The following OPCML variants were observed in gnomAD, a reference collection of about 807,000 sequenced individuals.
OPCML encodes the protein opioid-binding protein/cell adhesion molecule.
A neutral mutation model predicts 37.8 loss-of-function variants in OPCML; 13 were observed. The observed-to-expected ratio is 0.34, with a 90% confidence interval of 0.22 to 0.55. OPCML has a LOEUF of 0.55. OPCML is among the 20% of genes least tolerant of loss of function. The probability of loss-of-function intolerance (pLI) is 0.91; values close to 1 mark genes in which losing one functional copy is unlikely to be tolerated. For synonymous variants in OPCML, 176 were observed against 168.8 expected (o/e 1.04, Z -0.33); for missense variants, 341 against 435.6 (o/e 0.78, Z 1.93).
chr11:132,424,358 A>G (rs1318546381), intron 7 of OPCML, among the ~76,000 whole-genome samples: 1 of 152,266 alleles, frequency 6.6e-6, no homozygotes, highest in Admixed American at 6.5e-5. Flanking sequence ...TGACCTCGTG[A>G]TCTGCCCACC....
intron 4 of OPCML, among the ~76,000 whole-genome samples, chr11:132,492,888 G>A (rs1231818404): frequency 6.6e-6 from 1 of 152,190 alleles, no homozygotes; most frequent in Non-Finnish European, 1.5e-5. Context: ...TCAGTAGACA[G>A]CATCTAGCAC....
rs1939351254 is a variant in OPCML at position 133,211,355 on chromosome 11, A to G, written c.62-268345T>C. On this transcript the variant is annotated intron_variant, in intron 1 of 7. Transcript: ENST00000524381. The surrounding 1 kb of genome is among the most constrained non-coding windows in gnomAD (Gnocchi z 4.1). ...GTCTATTGATTACCTCAGTTATTGAACCCTGGGAAGTTCTGAATCCTCTCC... is the reference window on the plus strand; with the variant it reads ...GTCTATTGATTACCTCAGTTATTGAGCCCTGGGAAGTTCTGAATCCTCTCC... Among the ~76,000 whole-genome samples, 2 of 152,134 alleles carry G rather than the reference A, an allele frequency of 1.3e-5. No homozygotes were observed. The highest frequency in any genetic ancestry group is 6.5e-5 in the Admixed American group (1 of 15,272).
At chr11:132,687,977 T>C (rs1025933980) in intron 2 of OPCML, among the ~76,000 whole-genome samples, 9 of 152,184 alleles carry the variant, frequency 5.9e-5, no homozygotes, top group Non-Finnish European at 8.8e-5. Context: ...AATCTAGGGA[T>C]AACTTGCTTT....
rs2096003021 is a variant in OPCML, at chr11:132,433,193, A to G, written c.916+2893T>C. Among the ~76,000 whole-genome samples, 3 of 152,204 alleles carry G rather than the reference A, an allele frequency of 2.0e-5. No individual in the cohort carries two copies. In the South Asian group the frequency reaches 6.2e-4, roughly 32 times the overall value. On this transcript the variant is annotated intron_variant, in intron 7 of 7. Coordinates refer to ENST00000524381, the MANE Select transcript of OPCML (RefSeq NM_001012393.5). ...TGACTCTGGCAGGCATATGGGGGGA[A>G]GAGGCGATAGCATGGGCCATGTCAC... is the stretch of plus-strand genomic sequence containing the variant.
chr11:133,041,698 A>G (rs1054944793), intron 1 of OPCML, among the ~76,000 whole-genome samples: 1 of 152,236 alleles, frequency 6.6e-6, no homozygotes, highest in African/African-American at 2.4e-5. Flanking sequence ...TATCAGCACG[A>G]TGGGACTGCA....
intron 1 of OPCML, among the ~76,000 whole-genome samples, chr11:133,464,795 T>G (rs999914672): frequency 6.6e-6 from 1 of 152,172 alleles, no homozygotes; most frequent in Non-Finnish European, 1.5e-5. Flanking sequence ...CTAAGATGGT[T>G]GTACAAGAGC....
chr11:133,391,056 C>T (rs1945163984), intron 1 of OPCML, among the ~76,000 whole-genome samples: 1 of 152,166 alleles, frequency 6.6e-6, no homozygotes, highest in Non-Finnish European at 1.5e-5. Context: ...GAAGATTTAC[C>T]CACCTGCACG....
At chr11:133,268,114 G>A (rs1158993567) in intron 1 of OPCML, among the ~76,000 whole-genome samples, 2 of 152,132 alleles carry the variant, frequency 1.3e-5, no homozygotes, top group African/African-American at 4.8e-5. Context: ...CCTAGCCCCA[G>A]TCAAGAATTT....
chr11:132,724,521 C>G (rs576871522), intron 2 of OPCML, among the ~76,000 whole-genome samples: 1 of 152,128 alleles, frequency 6.6e-6, no homozygotes, highest in Non-Finnish European at 1.5e-5. Context: ...GGTGGGGACA[C>G]AGCCAAACCA....
At chr11:132,797,787 T>C (rs1285245943) in intron 2 of OPCML, among the ~76,000 whole-genome samples, 1 of 152,226 alleles carries the variant, frequency 6.6e-6, no homozygotes, top group Admixed American at 6.5e-5. Flanking sequence ...CTAACAATCA[T>C]CCAAGCTTTC....
intron 1 of OPCML, among the ~76,000 whole-genome samples, chr11:132,966,687 C>T (rs1404938171): frequency 1.3e-5 from 2 of 151,792 alleles, no homozygotes; most frequent in Admixed American, 6.6e-5. Flanking sequence ...GGTTATTTCC[C>T]TCTTCTTTTA....
At chr11:133,281,010 A>AGTTT (rs1942136088) in intron 1 of OPCML, among the ~76,000 whole-genome samples, 1 of 152,118 alleles carries the variant, frequency 6.6e-6, no homozygotes, top group South Asian at 2.1e-4. Flanking sequence ...GTAGCTCAAG[A>AGTTT]GTTTCAACAG....
Position 132,564,778 on chromosome 11 carries a change from A to G in OPCML, c.380-35592T>C, listed in dbSNP as rs542553064. On this transcript the variant is annotated intron_variant, in intron 3 of 7. Transcript: ENST00000524381. Reference sequence around the variant, plus strand: ...GGATGTGTTTTATATGCTGTGTTAAACATGCTAGGAAAGCTCAGTAGATTT... The same window carrying G: ...GGATGTGTTTTATATGCTGTGTTAAGCATGCTAGGAAAGCTCAGTAGATTT... Among the ~76,000 whole-genome samples the G allele has an allele frequency of 1.4e-4, 22 of 152,346 alleles. No individual in the cohort carries two copies. The South Asian group carries it at 4.1e-3, about 29-fold the overall frequency.
intron 1 of OPCML, among the ~76,000 whole-genome samples, chr11:133,122,464 G>T (rs1462323124): frequency 2.0e-5 from 3 of 152,152 alleles, no homozygotes; most frequent in African/African-American, 4.8e-5. Flanking sequence ...GAGCATGGAA[G>T]TTGTCAGGCA....
intron 1 of OPCML, among the ~76,000 whole-genome samples, chr11:133,224,994 G>C (rs998807981): frequency 6.6e-6 from 1 of 152,170 alleles, no homozygotes; most frequent in African/African-American, 2.4e-5. Context: ...AACGCTTGCA[G>C]TCATCTCTTT....
intron 2 of OPCML, among the ~76,000 whole-genome samples, chr11:132,742,972 C>T (rs1385614240): frequency 6.6e-6 from 1 of 152,060 alleles, no homozygotes; most frequent in African/African-American, 2.4e-5. Flanking sequence ...TCCTACTAAA[C>T]ATTTTCTCTA....
intron 2 of OPCML, among the ~76,000 whole-genome samples, chr11:132,845,597 T>A (rs946844037): frequency 1.3e-5 from 2 of 152,186 alleles, no homozygotes; most frequent in Admixed American, 1.3e-4. Flanking sequence ...TTCAGGTGGA[T>A]AATATTCGAG....
intron 1 of OPCML, among the ~76,000 whole-genome samples, chr11:133,443,707 T>G (rs535267667): frequency 6.6e-6 from 1 of 152,322 alleles, no homozygotes; most frequent in South Asian, 2.1e-4. Context: ...GCAGCACTTC[T>G]TTTGTCAGAA....
chr11:133,479,759 C>CCA (rs1346178526), intron 1 of OPCML, among the ~76,000 whole-genome samples: 1 of 152,162 alleles, frequency 6.6e-6, no homozygotes, highest in Non-Finnish European at 1.5e-5. Flanking sequence ...CCACAGAGGA[C>CCA]CACACACACC....
Sources: allele counts gnomAD v4.1 joint callset (sites outside exome capture counted in the v4.1 genomes callset), GRCh38; gene constraint gnomAD v4.1.1; non-coding constraint Gnocchi (gnomAD v3.1); transcripts MANE v1.5; gene names NCBI Gene and HGNC (gene_info 2026-07-23, HGNC 2026-07-21).